ARL5C: variants seen among roughly 807,000 people sequenced by gnomAD.
The protein encoded by ARL5C is ARF like GTPase 5C.
In ARL5C, 21 loss-of-function variants were observed where a neutral mutation model predicts 20.8. That is an observed-to-expected ratio of 1.01 (90% confidence interval 0.72 to 1.46). The LOEUF (loss-of-function observed/expected upper bound fraction) is 1.46, where lower values mean the gene tolerates loss of function less well. Ranked by LOEUF, ARL5C falls within the 40% of genes most tolerant of loss-of-function variation. The probability of loss-of-function intolerance (pLI) is 0.00; values close to 1 mark genes in which losing one functional copy is unlikely to be tolerated. For synonymous variants in ARL5C, 71 were observed against 81.6 expected (o/e 0.87, Z 0.70); for missense variants, 199 against 225.1 (o/e 0.88, Z 0.74).
chr17:39,163,344 G>GCCTTTCTTTCTTTCTT (rs1567781288), intron 2 of ARL5C, among the ~76,000 whole-genome samples: 1 of 77,904 alleles, frequency 1.3e-5, no homozygotes, highest in Non-Finnish European at 3.2e-5. Flanking sequence ...CCAGGCTTTT[G>GCCTTTCTTTCTTTCTT]CCTTTCTTTC....
rs115451589 is a variant in ARL5C, at chr17:39,161,137, C to T, written c.339+131G>A. The T allele has an allele frequency of 4.3e-3, 3,646 of 846,666 alleles. 103 individuals carry two copies. The African/African-American group carries it at 0.056, about 13-fold the overall frequency. The allele number at this position is 846,666 out of a possible 1,614,324, so 52.4% of individuals were successfully genotyped here. On this transcript the variant is annotated intron_variant, in intron 4 of 5. Coordinates refer to ENST00000269586, the MANE Select transcript of ARL5C (RefSeq NM_001143968.1). Reference sequence around the variant, plus strand: ...GCCCTTCATCAGGCACAAACCAGCCCTCCTCATGCTGCTGGTATAGAGGCT... The same window carrying T: ...GCCCTTCATCAGGCACAAACCAGCCTTCCTCATGCTGCTGGTATAGAGGCT...
Position 39,165,072 on chromosome 17 carries a change from CACTT to C in ARL5C, c.107+3_107+6del, listed in dbSNP as rs1292718123. ...CTCTCTACCCTCCCCGCCCGAGAGTCACTTACAACCGGTAGAGAATGGTGGTCTT... is the reference window on the plus strand; with the variant it reads ...CTCTCTACCCTCCCCGCCCGAGAGTCACAACCGGTAGAGAATGGTGGTCTT... On this transcript the variant is annotated splice_donor_5th_base_variant and intron_variant, in intron 2 of 5. Transcript: ENST00000269586. The C allele has an allele frequency of 1.3e-6, 2 of 1,551,694 alleles. No individual in the cohort carries two copies. The highest frequency in any genetic ancestry group is 3.9e-5 in the Admixed American group (2 of 51,000).
chr17:39,156,807 T>C (rs1028073287), downstream of ARL5C: 13 of 1,470,620 alleles, frequency 8.8e-6, 1 homozygote, highest in Admixed American at 8.0e-5. Flanking sequence ...TAGAGAACCA[T>C]AGAAAAGTAA....
chr17:39,162,396 G>T (rs1416635292), intron 3 of ARL5C, among the ~76,000 whole-genome samples: 1 of 152,074 alleles, frequency 6.6e-6, no homozygotes, highest in Non-Finnish European at 1.5e-5. Flanking sequence ...TGCCTCCCAG[G>T]TTCAAGCAGT....
Position 39,161,262 on chromosome 17 carries a change from G to C in ARL5C, c.339+6C>G. 1.3e-6 allele frequency: 2 copies of C among 1,551,738 alleles called. No individual in the cohort carries two copies. Among genetic ancestry groups the C allele is most frequent in the Non-Finnish European group, 1.7e-6 (2 of 1,146,916 alleles). ...CTGGGCCCTCTCCCAACTGCAGGGG[G>C]CTTACCTCATGGGCCAGCATTTTAT... On this transcript the variant is annotated splice_donor_region_variant and intron_variant, in intron 4 of 5. Transcript: ENST00000269586.
chr17:39,165,293 A>C (rs1217363093), intron 1 of ARL5C, 154 bp from the exon 2 acceptor site: 2 of 682,870 alleles, frequency 2.9e-6, no homozygotes, highest in African/African-American at 3.6e-5. Flanking sequence ...CAGCTCCGAC[A>C]CCTGCCCCAC....
chr17:39,161,621 C>T (rs987643953), intron 3 of ARL5C, among the ~76,000 whole-genome samples: 16 of 151,696 alleles, frequency 1.1e-4, no homozygotes, highest in African/African-American at 3.9e-4. Context: ...TCAAGCGATT[C>T]TCCCACCTCA....
intron 5 of ARL5C, among the ~76,000 whole-genome samples, chr17:39,159,019 C>CTTTTTTTTT (rs1395516312): frequency 1.1e-4 from 7 of 64,020 alleles, no homozygotes; most frequent in African/African-American, 2.8e-4. Flanking sequence ...TCATTTATCA[C>CTTTTTTTTT]TTGTTTTTTT....
Position 39,162,752 on chromosome 17 carries a change from C to T in ARL5C, c.214G>A (p.Ala72Thr), listed in dbSNP as rs776280011. 3.8e-5 allele frequency: 59 copies of T among 1,551,592 alleles called. No individual in the cohort carries two copies. ...TATGTGTTCCAGATAAAGCTCAGAG[C>T]CTCAGGTCTCACTATGTCCCACATG... ...FFMWDIVRPE[A>T]LSFIWNTYYS... Residue 72 changes from alanine (A) to threonine (T), a missense_variant, in exon 3 of 6, where the codon GCT becomes ACT. Coordinates refer to ENST00000269586, the MANE Select transcript of ARL5C (RefSeq NM_001143968.1).
intron 2 of ARL5C, among the ~76,000 whole-genome samples, chr17:39,163,178 C>T (rs1019730498): frequency 6.6e-6 from 1 of 151,982 alleles, no homozygotes; most frequent in Non-Finnish European, 1.5e-5. Flanking sequence ...TGACCTTGGG[C>T]TCCTGTCAAG....
chr17:39,160,880 G>T, intron 4 of ARL5C, 138 bp from the exon 5 acceptor site: 2 of 999,102 alleles, frequency 2.0e-6, no homozygotes, highest in Non-Finnish European at 2.9e-6. Flanking sequence ...AGAGATGGGG[G>T]CCCTGCCACA....
At chr17:39,161,167 G>T in intron 4 of ARL5C, 101 bp downstream of exon 4, 1 of 1,173,952 alleles carries the variant, frequency 8.5e-7, no homozygotes. Flanking sequence ...GAGGCTCTCA[G>T]AAACTGGGAC....
intron 5 of ARL5C, among the ~76,000 whole-genome samples, chr17:39,158,855 C>T (rs934397228): frequency 6.6e-6 from 1 of 151,772 alleles, no homozygotes; most frequent in Non-Finnish European, 1.5e-5. Flanking sequence ...TTTGTTTTTG[C>T]TTTTGGAAAT....
chr17:39,162,179 G>T (rs1243360726), intron 3 of ARL5C, among the ~76,000 whole-genome samples: 1 of 152,176 alleles, frequency 6.6e-6, no homozygotes, highest in Non-Finnish European at 1.5e-5. Flanking sequence ...CTGCCAGGAA[G>T]TATTCAAACA....
At chr17:39,163,593 T>C (rs2045448334) in intron 2 of ARL5C, among the ~76,000 whole-genome samples, 1 of 151,710 alleles carries the variant, frequency 6.6e-6, no homozygotes, top group African/African-American at 2.4e-5. Flanking sequence ...GGTTTCGCCA[T>C]GTTGGCTGGG....
intron 1 of ARL5C, 72 bp from the exon 2 acceptor site, chr17:39,165,211 C>A: frequency 1.4e-6 from 2 of 1,473,660 alleles, no homozygotes; most frequent in Admixed American, 3.9e-5. Flanking sequence ...CCCCACCAGA[C>A]CTCCCAGGAA....
chr17:39,161,178 A>T (rs556455826), intron 4 of ARL5C, 90 bp downstream of exon 4: 1 of 1,256,740 alleles, frequency 8.0e-7, no homozygotes, highest in Non-Finnish European at 1.1e-6. Context: ...AAACTGGGAC[A>T]GCAGGAACGA....
At chr17:39,165,490 G>T (rs2045458435) in intron 1 of ARL5C, 1 of 609,230 alleles carries the variant, frequency 1.6e-6, no homozygotes, top group Admixed American at 3.0e-5. Context: ...GTTTAGCGGG[G>T]AGAAAGGAGG....
At chr17:39,157,323 C>T (rs2045410103) in intron 5 of ARL5C, among the ~76,000 whole-genome samples, 1 of 152,194 alleles carries the variant, frequency 6.6e-6, no homozygotes, top group South Asian at 2.1e-4. Flanking sequence ...GGCCCCTTAG[C>T]TGTGTCTCTG....
Sources: gnomAD v4.1 joint callset for allele counts (sites outside exome capture counted in the v4.1 genomes callset) on GRCh38, gnomAD v4.1.1 for gene constraint, MANE v1.5 for transcripts, NCBI Gene and HGNC (gene_info 2026-07-23, HGNC 2026-07-21) for gene names.